Variants in CAMK2G observed in about 807,000 individuals in gnomAD.
CAMK2G encodes calcium/calmodulin dependent protein kinase II gamma.
CAMK2G carries 23 observed loss-of-function variants against 88.7 expected under a neutral mutation model. That is an observed-to-expected ratio of 0.26 (90% CI 0.19 to 0.37). CAMK2G has a LOEUF of 0.37. CAMK2G is among the 10% of genes least tolerant of loss of function. The pLI is 1.00. For synonymous variants in CAMK2G, 263 were observed against 294.8 expected, an observed-to-expected ratio of 0.89 and a Z score of 1.11; for missense variants, 476 against 780.8, an observed-to-expected ratio of 0.61 and a Z score of 4.65.
intron 2 of CAMK2G, among the ~76,000 whole-genome samples, chr10:73,867,589 C>G (rs1316085515): frequency 6.6e-6 from 1 of 152,116 alleles, no homozygotes; most frequent in East Asian, 1.9e-4. Context: ...TGGGAAGCTG[C>G]GGCTGCTGCT....
chr10:73,841,774 G>C (rs2093804254), intron 12 of CAMK2G: 1 of 183,476 alleles, frequency 5.5e-6, no homozygotes, highest in Non-Finnish European at 1.1e-5. Flanking sequence ...GCAAATGAAT[G>C]GTGGCAATTT....
At chr10:73,854,834 C>T (rs1181206392) in intron 3 of CAMK2G, among the ~76,000 whole-genome samples, 1 of 152,082 alleles carries the variant, frequency 6.6e-6, no homozygotes, top group Non-Finnish European at 1.5e-5. Flanking sequence ...CCGAAGCCTG[C>T]CAGGGCCGGA....
At chr10:73,863,193 C>T (rs577855869) in intron 2 of CAMK2G, among the ~76,000 whole-genome samples, 67 of 152,302 alleles carry the variant, frequency 4.4e-4, no homozygotes, top group Non-Finnish European at 6.8e-4. Flanking sequence ...CCAGCTAATC[C>T]GTCCCAGCTG....
Position 73,839,585 on chromosome 10 carries a change from G to A in CAMK2G, c.963C>T (p.Ser321=), listed in dbSNP as rs2093594442. 1.6e-6 allele frequency: 2 copies of A among 1,233,636 alleles called. No individual in the cohort carries two copies. The highest frequency in any genetic ancestry group is 3.1e-5 in the African/African-American group (2 of 64,556). The allele number at this position is 1,233,636 out of a possible 1,614,324, so 76.4% of individuals were successfully genotyped here. A position where few individuals can be genotyped will look rare whatever the true frequency, so the allele number is the denominator to read the frequency against. ...SRNFSVGRQS[S]APASPAASAA... is the part of the protein sequence containing the mutation. The stretch of plus-strand genomic sequence containing the variant: ...CGCTCGCGGCAGGCGAGGCGGGGGC[G>A]GAGCTCTGCCTGCCAACTGAGGGGA... The change falls in exon 13 of 23, where the codon TCC becomes TCT. Residue 321 remains serine (S), a synonymous_variant. Transcript: ENST00000423381. This position sits in a 1 kb window ranked among gnomAD's most constrained non-coding sequence, Gnocchi z 4.2.
At chr10:73,841,310 A>C (rs2093763018) in intron 12 of CAMK2G, among the ~76,000 whole-genome samples, 1 of 152,224 alleles carries the variant, frequency 6.6e-6, no homozygotes, top group South Asian at 2.1e-4. Flanking sequence ...TATTATGGGA[A>C]GGAGAAGGGG....
At chr10:73,831,744 C>T (rs2092479403) in intron 14 of CAMK2G, among the ~76,000 whole-genome samples, 2 of 151,510 alleles carry the variant, frequency 1.3e-5, no homozygotes, top group South Asian at 4.2e-4. Context: ...CCCGTATTCC[C>T]AGCTACTCAG....
chr10:73,861,300 A>G (rs2095360887), intron 2 of CAMK2G, among the ~76,000 whole-genome samples: 3 of 152,222 alleles, frequency 2.0e-5, no homozygotes, highest in African/African-American at 7.2e-5. Flanking sequence ...GTATTCAACT[A>G]AAACTCTGGT....
At position 73,842,292 on chromosome 10, in the gene CAMK2G, C is replaced by G. The variant is rs1423673772; in HGVS notation, c.904-81G>C. 9.2e-6 allele frequency: 12 copies of G among 1,309,058 alleles called. No homozygotes were observed. Among genetic ancestry groups the G allele is most frequent in the Non-Finnish European group, 1.3e-5 (12 of 901,924 alleles). The allele number at this position is 1,309,058 out of a possible 1,614,324, so 81.1% of individuals were successfully genotyped here. A position where few individuals can be genotyped will look rare whatever the true frequency, so the allele number is the denominator to read the frequency against. On this transcript the variant is annotated intron_variant, in intron 11 of 22. Coordinates refer to ENST00000423381, the MANE Select transcript of CAMK2G (RefSeq NM_001367534.1). The surrounding 1 kb of genome is among the most constrained non-coding windows in gnomAD (Gnocchi z 4.6). ...GGTCTCAGGCAAAGGCAGGTCCTGG[C>G]TAGAGCCTGAAGACATCAGGCCTCT...
rs1320713571 is a variant in CAMK2G, at chr10:73,848,281, T to G, written c.602-199A>C. Among the ~76,000 whole-genome samples the G allele has an allele frequency of 6.6e-6, 1 of 152,130 alleles. No individual in the cohort carries two copies. The highest frequency in any genetic ancestry group is 1.5e-5 in the Non-Finnish European group (1 of 68,020). ...CACGTCACCAAGTCACACCAGGGAT[T>G]TCTTTAGGCACAACCCATCCTCTAA... On this transcript the variant is annotated intron_variant, in intron 8 of 22. Transcript: ENST00000423381. This position sits in a 1 kb window ranked among gnomAD's most constrained non-coding sequence, Gnocchi z 4.5.
At position 73,839,125 on chromosome 10, in the gene CAMK2G, A is replaced by C. The variant is rs1458064800; in HGVS notation, c.1009+414T>G. Among the ~76,000 whole-genome samples, 1 of 152,204 alleles carries C rather than the reference A, an allele frequency of 6.6e-6. No homozygotes were observed. Among genetic ancestry groups the C allele is most frequent in the Non-Finnish European group, 1.5e-5 (1 of 68,044 alleles). On this transcript the variant is annotated intron_variant, in intron 13 of 22. Coordinates refer to ENST00000423381, the MANE Select transcript of CAMK2G (RefSeq NM_001367534.1). The surrounding 1 kb of genome is among the most constrained non-coding windows in gnomAD (Gnocchi z 4.2). ...AGACCTGGAGGCCAGCAAGCGCCAGACTTCACAATTTTGAGGAGCGCGGCT... is the reference window on the plus strand; with the variant it reads ...AGACCTGGAGGCCAGCAAGCGCCAGCCTTCACAATTTTGAGGAGCGCGGCT...
rs764145147 is a variant in CAMK2G, at chr10:73,842,622, A to G, written c.820-81T>C. 307 of 1,015,106 alleles carry G rather than the reference A, an allele frequency of 3.0e-4. No homozygotes were observed. The highest frequency in any genetic ancestry group is 4.1e-4 in the Non-Finnish European group (262 of 643,522). 62.9% of individuals were successfully genotyped at this position (1,015,106 alleles called of 1,614,324 possible). ...CAGTCCTGGCACCGATACCATGCCC[A>G]GGACAGGGTCATGCACTCAGCCACC... On this transcript the variant is annotated intron_variant, in intron 10 of 22. Coordinates refer to ENST00000423381, the MANE Select transcript of CAMK2G (RefSeq NM_001367534.1). This position sits in a 1 kb window ranked among gnomAD's most constrained non-coding sequence, Gnocchi z 4.6.
chr10:73,854,594 C>T (rs963050615), intron 3 of CAMK2G, among the ~76,000 whole-genome samples: 2 of 152,162 alleles, frequency 1.3e-5, no homozygotes, highest in Non-Finnish European at 2.9e-5. Flanking sequence ...CCAAACTAAC[C>T]AGTTCAGTGC....
chr10:73,870,403 C>T (rs1293632887), intron 2 of CAMK2G, among the ~76,000 whole-genome samples: 1 of 152,224 alleles, frequency 6.6e-6, no homozygotes, highest in Non-Finnish European at 1.5e-5. Context: ...AACTCCCCAC[C>T]TTGCAACCTA....
At chr10:73,843,376 G>T (rs2093965938) in intron 10 of CAMK2G, among the ~76,000 whole-genome samples, 1 of 152,046 alleles carries the variant, frequency 6.6e-6, no homozygotes, top group South Asian at 2.1e-4. Context: ...TTTTTTGGAT[G>T]GAAATTTGTC....
chr10:73,816,765 AAGTG>A (rs1350833109), intron 21 of CAMK2G: 4 of 1,454,562 alleles, frequency 2.7e-6, no homozygotes, highest in Non-Finnish European at 3.7e-6. Context: ...GGCAAGAAAT[AAGTG>A]AGCTTGATTG....
chr10:73,838,401 T>C (rs1204096614), intron 13 of CAMK2G, among the ~76,000 whole-genome samples: 2 of 152,268 alleles, frequency 1.3e-5, no homozygotes, highest in African/African-American at 4.8e-5. Flanking sequence ...TTAACCTCTC[T>C]GAGCCTCAAT....
intron 14 of CAMK2G, chr10:73,837,205 G>A: frequency 2.1e-6 from 1 of 487,550 alleles, no homozygotes; most frequent in Non-Finnish European, 3.7e-6. Flanking sequence ...TAGAAGTCAG[G>A]TTCCGGATTC....
At chr10:73,860,932 T>G in intron 2 of CAMK2G, 43 bp from the exon 3 acceptor site, 2 of 1,415,116 alleles carry the variant, frequency 1.4e-6, no homozygotes, top group Non-Finnish European at 2.0e-6. Flanking sequence ...AACCATCCAT[T>G]CTCCTTGTGG....
At chr10:73,853,657 G>A (rs1325051978) in intron 3 of CAMK2G, among the ~76,000 whole-genome samples, 2 of 152,210 alleles carry the variant, frequency 1.3e-5, no homozygotes, top group Admixed American at 1.3e-4. Context: ...CTCTTCCAGA[G>A]CAGTAAATGG....
Sources: allele counts gnomAD v4.1 joint callset (sites outside exome capture counted in the v4.1 genomes callset), GRCh38; gene constraint gnomAD v4.1.1; non-coding constraint Gnocchi (gnomAD v3.1); transcripts MANE v1.5; gene names NCBI Gene and HGNC (gene_info 2026-07-23, HGNC 2026-07-21).